FHAD1: variants seen among roughly 807,000 people sequenced by gnomAD.
FHAD1 encodes the protein forkhead associated phosphopeptide binding domain 1.
A neutral mutation model predicts 191.3 loss-of-function variants in FHAD1; 146 were observed. The ratio of observed to expected loss-of-function variants is 0.76; its 90% CI spans 0.67 to 0.88. The LOEUF is 0.88. Among genes scored for constraint, FHAD1 ranks in the 40% least tolerant of loss-of-function variants. The probability of loss-of-function intolerance (pLI) is 0.00; values close to 1 mark genes in which losing one functional copy is unlikely to be tolerated. For synonymous variants in FHAD1, 616 were observed against 672.3 expected (o/e 0.92, Z 1.29); for missense variants, 1,635 against 1,785.8 (o/e 0.92, Z 1.52).
intron 2 of FHAD1, among the ~76,000 whole-genome samples, chr1:15,264,917 A>G (rs1573777191): frequency 6.6e-6 from 1 of 152,172 alleles, no homozygotes; most frequent in East Asian, 1.9e-4. Flanking sequence ...CTTTTTCTCC[A>G]TCAGTCCAGA....
chr1:15,236,551 T>G (rs1644812146), exon 1 of FHAD1, among the ~76,000 whole-genome samples: 3 of 152,176 alleles, frequency 2.0e-5, no homozygotes, highest in Admixed American at 6.5e-5. Context: ...CATGAGGCCT[T>G]TGGGAGAATC....
chr1:15,398,809 A>C (rs1570734737), downstream of FHAD1, among the ~76,000 whole-genome samples: 1 of 148,520 alleles, frequency 6.7e-6, no homozygotes. Flanking sequence ...TGGAAGAGCC[A>C]GAAATCATGA....
At chr1:15,250,769 T>C (rs979735699) in intron 1 of FHAD1, among the ~76,000 whole-genome samples, 1 of 148,452 alleles carries the variant, frequency 6.7e-6, no homozygotes, top group Non-Finnish European at 1.5e-5. Context: ...AGCCCAAGAG[T>C]TCAAGACTGC....
chr1:15,358,408 G>A (rs955867078), intron 21 of FHAD1, 125 bp downstream of exon 21: 54 of 900,376 alleles, frequency 6.0e-5, no homozygotes, highest in Non-Finnish European at 8.2e-5. Flanking sequence ...GGGCCAAGTA[G>A]CTCTTTCCTG....
Position 15,397,597 on chromosome 1 carries a change from T to C in FHAD1, c.*184T>C. ...TTGGAGACTGTGGGGAGAAGGGTTCTTCTTTAAAAATACCTATGAATGTAC... is the reference window on the plus strand; with the variant it reads ...TTGGAGACTGTGGGGAGAAGGGTTCCTCTTTAAAAATACCTATGAATGTAC... On this transcript the variant is annotated 3_prime_UTR_variant, in exon 34 of 34. Coordinates refer to ENST00000688493, the MANE Select transcript of FHAD1 (RefSeq NM_001391957.1). 1 of 398,496 alleles carries C rather than the reference T, an allele frequency of 2.5e-6. No homozygotes were observed. The highest frequency in any genetic ancestry group is 4.5e-6 in the Non-Finnish European group (1 of 223,300). 24.7% of individuals were successfully genotyped at this position (398,496 alleles called of 1,614,324 possible).
At chr1:15,299,223 A>AAAAGG in intron 5 of FHAD1, among the ~76,000 whole-genome samples, 1 of 146,882 alleles carries the variant, frequency 6.8e-6, no homozygotes, top group African/African-American at 2.5e-5. Context: ...AAAAAGGAAA[A>AAAAGG]AAAAAAAAAG....
At chr1:15,338,603 G>C (rs140834658) in intron 14 of FHAD1, among the ~76,000 whole-genome samples, 50 of 152,222 alleles carry the variant, frequency 3.3e-4, no homozygotes, top group African/African-American at 1.1e-3. Context: ...ACCTGGAATC[G>C]TAGGGGGTCA....
chr1:15,326,181 G>C (rs565748002), intron 11 of FHAD1: 1 of 152,402 alleles, frequency 6.6e-6, no homozygotes, highest in Admixed American at 6.5e-5. Context: ...TGGGCCCCAG[G>C]TTGAGGCAGT....
At chr1:15,281,760 C>CAAAAAA (rs35950054) in intron 3 of FHAD1, among the ~76,000 whole-genome samples, 12 of 64,416 alleles carry the variant, frequency 1.9e-4, no homozygotes, top group African/African-American at 6.0e-4. Context: ...GACACTGTCT[C>CAAAAAA]AAAAAAAAAA....
At position 15,318,743 on chromosome 1, in the gene FHAD1, G is replaced by C. The variant is rs1267675846; in HGVS notation, c.1365+815G>C. ...CGTGTAGCTGGTGGCTGCTGCACTG[G>C]ACAGCACAGATATGGAAATTTCCAT... On this transcript the variant is annotated intron_variant, in intron 10 of 33. Coordinates refer to ENST00000688493, the MANE Select transcript of FHAD1 (RefSeq NM_001391957.1). The surrounding 1 kb of genome is among the most constrained non-coding windows in gnomAD (Gnocchi z 4.1). 6.6e-6 allele frequency among the ~76,000 whole-genome samples: 1 copy of C among 152,222 alleles called. No individual in the cohort carries two copies. Among genetic ancestry groups the C allele is most frequent in the Non-Finnish European group, 1.5e-5 (1 of 68,040 alleles).
At chr1:15,345,558 G>T (rs1389579728) in intron 18 of FHAD1, 35 bp downstream of exon 18, 1 of 1,503,092 alleles carries the variant, frequency 6.7e-7, no homozygotes, top group Non-Finnish European at 9.1e-7. Flanking sequence ...CTGAGCCCCA[G>T]TCGGCTTGAG....
intron 32 of FHAD1, among the ~76,000 whole-genome samples, chr1:15,390,431 C>T (rs572438283): frequency 1.3e-5 from 2 of 151,392 alleles, no homozygotes; most frequent in South Asian, 2.1e-4. Flanking sequence ...GCTGGTGACA[C>T]TAGGCCCACA....
intron 5 of FHAD1, among the ~76,000 whole-genome samples, chr1:15,299,193 C>T (rs1482118729): frequency 3.0e-5 from 3 of 100,604 alleles, no homozygotes; most frequent in Admixed American, 1.9e-4. Context: ...GAGCAAGACC[C>T]TGTCTCAAAA....
chr1:15,260,946 G>A (rs1218140947), intron 2 of FHAD1, among the ~76,000 whole-genome samples: 1 of 152,192 alleles, frequency 6.6e-6, no homozygotes, highest in Non-Finnish European at 1.5e-5. Context: ...ACCTTTGTGG[G>A]ACCATTCTGC....
chr1:15,238,021 T>C (rs1462155063), intron 1 of FHAD1, among the ~76,000 whole-genome samples: 4 of 151,698 alleles, frequency 2.6e-5, no homozygotes, highest in African/African-American at 9.7e-5. Context: ...GAGGCTGACA[T>C]GGGCAGATCA....
chr1:15,300,013 T>C (rs560732620), intron 5 of FHAD1, among the ~76,000 whole-genome samples: 2 of 152,354 alleles, frequency 1.3e-5, no homozygotes, highest in Admixed American at 1.3e-4. Flanking sequence ...GCCTAGAAAC[T>C]GCCCACCCGC....
At chr1:15,342,027 G>A (rs546995982) in intron 16 of FHAD1, 139 bp downstream of exon 16, 49 of 663,198 alleles carry the variant, frequency 7.4e-5, no homozygotes, top group South Asian at 6.3e-4. Context: ...AATTAAACAG[G>A]GTGAATAATT....
chr1:15,377,461 A>G (rs1570449866), intron 28 of FHAD1, among the ~76,000 whole-genome samples: 2 of 152,140 alleles, frequency 1.3e-5, no homozygotes, highest in East Asian at 3.8e-4. Context: ...CCTCAGTGCC[A>G]CCACAGACAC....
chr1:15,375,689 A>C lies in FHAD1; in HGVS notation c.3664A>C (p.Lys1222Gln), dbSNP rs1348400390. Residue 1222 changes from lysine to glutamine, a missense_variant, in exon 28 of 34, where the codon AAA becomes CAA. By Grantham distance (53) the Lys-to-Gln change is moderately conservative (BLOSUM62 1). Coordinates refer to ENST00000688493, the MANE Select transcript of FHAD1 (RefSeq NM_001391957.1). ...TGTCCAGAAAATACTACTGGATGCA[A>C]AACCGGATTTGCCAACTCTCTCAAG... Reference protein sequence around the residue: ...NNVQKILLDAKPDLPTLSRIE... With the variant: ...NNVQKILLDAQPDLPTLSRIE... 6.5e-7 allele frequency: 1 copy of C among 1,547,200 alleles called. No homozygotes were observed. The highest frequency in any genetic ancestry group is 1.4e-5 in the African/African-American group (1 of 72,864).
Sources: gnomAD v4.1 joint callset for allele counts (sites outside exome capture counted in the v4.1 genomes callset) on GRCh38, gnomAD v4.1.1 for gene constraint, Gnocchi (gnomAD v3.1) non-coding constraint, MANE v1.5 for transcripts, NCBI Gene and HGNC (gene_info 2026-07-23, HGNC 2026-07-21) for gene names.